EIF3H: variants seen among roughly 807,000 people sequenced by gnomAD.
The protein encoded by EIF3H is eukaryotic translation initiation factor 3 subunit H, also known as eIF-3-gamma.
A neutral mutation model predicts 44.2 loss-of-function variants in EIF3H; 26 were observed. That is an observed-to-expected ratio of 0.59 (90% CI 0.43 to 0.82). The LOEUF (loss-of-function observed/expected upper bound fraction) is 0.82. EIF3H is among the 40% of genes least tolerant of loss of function. The pLI, the probability that EIF3H is intolerant of heterozygous loss-of-function variation, is 0.00. For missense variants in EIF3H, 359 were observed against 432.8 expected (o/e 0.83, Z 1.51); for synonymous variants, 166 against 151.9 (o/e 1.09, Z -0.68).
At chr8:116,703,457 T>C (rs1309547731) in intron 2 of EIF3H, among the ~76,000 whole-genome samples, 1 of 152,186 alleles carries the variant, frequency 6.6e-6, no homozygotes, top group African/African-American at 2.4e-5. Flanking sequence ...GGCCTGACCA[T>C]CTCCCTGTGA....
At chr8:116,694,144 CT>C (rs201448890) in intron 2 of EIF3H, among the ~76,000 whole-genome samples, 20,934 of 144,524 alleles carry the variant, frequency 0.14, 1,641 homozygotes, top group African/African-American at 0.24. Flanking sequence ...ATGAGCAAAC[CT>C]TTTTTTTTTT....
At chr8:116,681,353 C>T (rs888942802) in intron 2 of EIF3H, among the ~76,000 whole-genome samples, 35 of 148,998 alleles carry the variant, frequency 2.3e-4, no homozygotes, top group African/African-American at 3.0e-4. Context: ...TACAGCAAGA[C>T]TCTGTCTAAA....
Position 116,644,899 on chromosome 8 carries a change from A to G in EIF3H, c.*107T>C, listed in dbSNP as rs1813274228. The G allele has an allele frequency of 1.1e-6, 1 of 885,028 alleles. No individual in the cohort carries two copies. Among genetic ancestry groups the G allele is most frequent in the Non-Finnish European group, 1.7e-6 (1 of 573,488 alleles). The allele number at this position is 885,028 out of a possible 1,614,324, so 54.8% of individuals were successfully genotyped here. A position where few individuals can be genotyped will look rare whatever the true frequency, so the allele number is the denominator to read the frequency against. ...TATAGCCAAAATCGGCAATGACACTAAAGAAATCCTCTGTGCTTTTCAATA... is the reference window on the plus strand; with the variant it reads ...TATAGCCAAAATCGGCAATGACACTGAAGAAATCCTCTGTGCTTTTCAATA... On this transcript the variant is annotated 3_prime_UTR_variant, in exon 8 of 8. Transcript: ENST00000521861.
intron 2 of EIF3H, among the ~76,000 whole-genome samples, chr8:116,683,468 C>T (rs778883589): frequency 1.2e-4 from 19 of 152,158 alleles, no homozygotes; most frequent in Non-Finnish European, 2.5e-4. Context: ...CTCTCATTAC[C>T]TCATCTAACC....
intron 1 of EIF3H, among the ~76,000 whole-genome samples, chr8:116,761,753 A>T (rs1021100575): frequency 6.6e-6 from 1 of 152,168 alleles, no homozygotes; most frequent in Admixed American, 6.5e-5. Flanking sequence ...AATCTCTTGA[A>T]ATCTTTTTCT....
intron 1 of EIF3H, among the ~76,000 whole-genome samples, chr8:116,730,833 T>G (rs1041452546): frequency 2.0e-5 from 3 of 152,206 alleles, no homozygotes; most frequent in African/African-American, 4.8e-5. Context: ...TTATGATATG[T>G]CAAGCACTCC....
At chr8:116,742,469 T>C (rs1815149834) in intron 1 of EIF3H, among the ~76,000 whole-genome samples, 1 of 152,254 alleles carries the variant, frequency 6.6e-6, no homozygotes, top group South Asian at 2.1e-4. Flanking sequence ...CCTGCAAATT[T>C]TCCCACATGT....
At chr8:116,677,455 C>CT (rs1341710429) in intron 2 of EIF3H, among the ~76,000 whole-genome samples, 13 of 152,166 alleles carry the variant, frequency 8.5e-5, no homozygotes, top group Non-Finnish European at 2.9e-5. Flanking sequence ...TTTACATGTC[C>CT]TAATGTCCCC....
At chr8:116,752,372 T>C (rs189078656) in intron 1 of EIF3H, among the ~76,000 whole-genome samples, 1 of 152,168 alleles carries the variant, frequency 6.6e-6, no homozygotes, top group Admixed American at 6.5e-5. Flanking sequence ...GAAACATTAA[T>C]AAGGATGAGA....
intron 1 of EIF3H, among the ~76,000 whole-genome samples, chr8:116,748,145 T>G (rs1364260210): frequency 6.7e-6 from 1 of 148,470 alleles, no homozygotes; most frequent in Non-Finnish European, 1.5e-5. Context: ...AGAGCAAAAC[T>G]CTGTCTCAAA....
At chr8:116,723,031 A>C (rs980704642) in intron 2 of EIF3H, among the ~76,000 whole-genome samples, 1 of 152,156 alleles carries the variant, frequency 6.6e-6, no homozygotes, top group South Asian at 2.1e-4. Context: ...TTAGTAATAT[A>C]TTTTGTTTCG....
At position 116,681,046 on chromosome 8, in the gene EIF3H, T is replaced by C. The variant is rs148278480; in HGVS notation, c.290-22066A>G. Among the ~76,000 whole-genome samples the C allele has an allele frequency of 6.1e-3, 919 of 151,248 alleles. 6 individuals carry two copies. Among genetic ancestry groups the C allele is most frequent in the African/African-American group, 0.02 (845 of 41,282 alleles). ...AGGATTATTCAATAATACAAAAATG[T>C]ACTTAATCTGAAACACATACAAAAG... On this transcript the variant is annotated intron_variant, in intron 2 of 7. Transcript: ENST00000521861.
upstream of EIF3H, chr8:116,755,858 C>A (rs1325383918): frequency 6.9e-6 from 11 of 1,598,180 alleles, no homozygotes; most frequent in Middle Eastern, 8.2e-4. Context: ...GTACAAGTCT[C>A]GCGTGACGTC....
chr8:116,646,136 G>A (rs146736299), intron 7 of EIF3H, among the ~76,000 whole-genome samples: 5 of 152,324 alleles, frequency 3.3e-5, no homozygotes, highest in African/African-American at 2.4e-5. Flanking sequence ...GCTGGAAAAG[G>A]AAGAGTAAGA....
chr8:116,729,501 T>C (rs527821380), intron 1 of EIF3H, among the ~76,000 whole-genome samples: 2 of 152,306 alleles, frequency 1.3e-5, no homozygotes, highest in Admixed American at 6.5e-5. Context: ...AAACAGCCAA[T>C]GCAATTTTAT....
chr8:116,672,396 C>T lies in EIF3H; in HGVS notation c.290-13416G>A, dbSNP rs1051185411. Among the ~76,000 whole-genome samples the T allele has an allele frequency of 5.9e-5, 9 of 152,264 alleles. No homozygotes were observed. The East Asian group carries it at 7.7e-4, about 13-fold the overall frequency. On this transcript the variant is annotated intron_variant, in intron 2 of 7. Coordinates refer to ENST00000521861, the MANE Select transcript of EIF3H (RefSeq NM_003756.3). Reference sequence around the variant, plus strand: ...ATCCCAACACTTTGGAAGGCTAAGGCGGGAGGACTGCTTGAAGCCATGAGT... The same window carrying T: ...ATCCCAACACTTTGGAAGGCTAAGGTGGGAGGACTGCTTGAAGCCATGAGT...
intron 1 of EIF3H, among the ~76,000 whole-genome samples, chr8:116,734,705 G>A (rs534600625): frequency 1.9e-4 from 29 of 152,108 alleles, no homozygotes; most frequent in African/African-American, 6.8e-4. Flanking sequence ...ACAGGTGCAC[G>A]CCACCACACC....
chr8:116,662,650 A>C (rs1273444074), intron 2 of EIF3H, among the ~76,000 whole-genome samples: 1 of 152,064 alleles, frequency 6.6e-6, no homozygotes, highest in East Asian at 1.9e-4. Flanking sequence ...AAATTTTCAA[A>C]AAGTAGAAAG....
At chr8:116,722,986 G>A (rs1814777072) in intron 2 of EIF3H, among the ~76,000 whole-genome samples, 1 of 152,128 alleles carries the variant, frequency 6.6e-6, no homozygotes, top group Non-Finnish European at 1.5e-5. Flanking sequence ...AGTACTTCAA[G>A]CTCGTAAAAG....
Sources: gnomAD v4.1 joint callset for allele counts (sites outside exome capture counted in the v4.1 genomes callset) on GRCh38, gnomAD v4.1.1 for gene constraint, MANE v1.5 for transcripts, NCBI Gene and HGNC (gene_info 2026-07-23, HGNC 2026-07-21) for gene names.